The following NTRK2 variants were observed in gnomAD, a reference collection of about 807,000 sequenced individuals.
NTRK2 encodes the protein BDNF/NT-3 growth factors receptor.
A neutral mutation model predicts 94.5 loss-of-function variants in NTRK2; 13 were observed. That is an observed-to-expected ratio of 0.14 (90% CI 0.09 to 0.22). The LOEUF (loss-of-function observed/expected upper bound fraction) is 0.22, where lower values mean the gene tolerates loss of function less well. Among genes scored for constraint, NTRK2 ranks in the 10% least tolerant of loss-of-function variants. NTRK2 has a pLI of 1.00. For missense variants in NTRK2, 639 were observed against 1,071.2 expected (o/e 0.60, Z 5.63); for synonymous variants, 372 against 407.4 (o/e 0.91, Z 1.05).
At chr9:84,876,870 T>G in intron 14 of NTRK2, 4 of 1,062,896 alleles carry the variant, frequency 3.8e-6, no homozygotes, top group Non-Finnish European at 4.6e-6. Flanking sequence ...TAGGAGTCTT[T>G]GTTCTGGGTT....
In NTRK2 at chr9:84,670,688, T is replaced by G. The variant is rs77821498; in HGVS notation, c.-61T>G. 29 of 1,544,368 alleles carry G rather than the reference T, an allele frequency of 1.9e-5. No individual in the cohort carries two copies. The highest frequency in any genetic ancestry group is 2.4e-5 in the Non-Finnish European group (27 of 1,125,516). On this transcript the variant is annotated 5_prime_UTR_variant, in exon 2 of 19. Transcript: ENST00000277120. The stretch of plus-strand genomic sequence containing the variant: ...CGCAGGGAAGGCCTCCCCGCACGGG[T>G]GGGGGAAAGCGGCCGGTGCAGCGCG...
At chr9:84,791,364 T>C (rs1410531278) in intron 12 of NTRK2, among the ~76,000 whole-genome samples, 1 of 152,176 alleles carries the variant, frequency 6.6e-6, no homozygotes, top group Non-Finnish European at 1.5e-5. Context: ...TATGTCTGGA[T>C]TAATTAAAAA....
At position 85,021,177 on chromosome 9, in the gene NTRK2, G is replaced by A. The variant is rs1832753316; in HGVS notation, c.2332-75G>A. On this transcript the variant is annotated intron_variant, in intron 18 of 18. Transcript: ENST00000277120. ...TTTTGTAAAAGCCCTCTCTTCTGCT[G>A]TTTTTTTGCACTGACATTTCTTCGA... 32 of 1,374,514 alleles carry A rather than the reference G, an allele frequency of 2.3e-5. 1 individual carries two copies. The South Asian group carries it at 3.8e-4, about 16-fold the overall frequency. The allele number at this position is 1,374,514 out of a possible 1,614,324, so 85.1% of individuals were successfully genotyped here.
intron 14 of NTRK2, among the ~76,000 whole-genome samples, chr9:84,927,109 C>T (rs933610494): frequency 5.9e-5 from 9 of 152,148 alleles, no homozygotes; most frequent in East Asian, 1.9e-4. Context: ...AAGAAGGGAT[C>T]GCTGTGTTTT....
intron 14 of NTRK2, among the ~76,000 whole-genome samples, chr9:84,912,817 C>T (rs2077280567): frequency 6.6e-6 from 1 of 151,924 alleles, no homozygotes; most frequent in Non-Finnish European, 1.5e-5. Flanking sequence ...AGGGTTTCAC[C>T]TTGTTAGCCA....
intron 12 of NTRK2, among the ~76,000 whole-genome samples, chr9:84,807,934 G>T (rs2071309991): frequency 6.6e-6 from 1 of 152,174 alleles, no homozygotes; most frequent in Non-Finnish European, 1.5e-5. Flanking sequence ...TGAGGTGAAG[G>T]GGGTGGAAGT....
chr9:84,813,012 G>A (rs1330627667), intron 12 of NTRK2: 2 of 1,035,694 alleles, frequency 1.9e-6, no homozygotes. Flanking sequence ...CTGTACTCTA[G>A]ACCACCCCTT....
At chr9:84,859,410 A>G (rs2075226025) in intron 12 of NTRK2, among the ~76,000 whole-genome samples, 1 of 152,234 alleles carries the variant, frequency 6.6e-6, no homozygotes, top group Non-Finnish European at 1.5e-5. Context: ...CTGTATTGAG[A>G]ACCTTCACAA....
At chr9:84,933,793 G>C (rs943381322) in intron 14 of NTRK2, among the ~76,000 whole-genome samples, 1 of 152,196 alleles carries the variant, frequency 6.6e-6, no homozygotes, top group African/African-American at 2.4e-5. Flanking sequence ...GCTTTGCCCT[G>C]CTGGACACAC....
intron 17 of NTRK2, among the ~76,000 whole-genome samples, chr9:85,005,638 C>T (rs1490132440): frequency 6.6e-6 from 1 of 152,156 alleles, no homozygotes; most frequent in Non-Finnish European, 1.5e-5. Flanking sequence ...CAATGATAAC[C>T]CTGAGTAACA....
At chr9:84,825,741 C>T (rs2073145687) in intron 12 of NTRK2, among the ~76,000 whole-genome samples, 1 of 152,162 alleles carries the variant, frequency 6.6e-6, no homozygotes, top group Admixed American at 6.5e-5. Flanking sequence ...TTTCCTATAC[C>T]CCCATATTAA....
chr9:84,882,677 T>C (rs1035013022), intron 14 of NTRK2, among the ~76,000 whole-genome samples: 1 of 151,830 alleles, frequency 6.6e-6, no homozygotes, highest in Admixed American at 6.6e-5. Flanking sequence ...TGTTTTTCAC[T>C]GTGTCATCTC....
chr9:84,800,209 C>CTTT (rs11403600), intron 12 of NTRK2, among the ~76,000 whole-genome samples: 1 of 149,316 alleles, frequency 6.7e-6, no homozygotes, highest in Non-Finnish European at 1.5e-5. Flanking sequence ...TAGTTTCTTT[C>CTTT]TTTTTTTTTT....
At chr9:84,705,782 CTTTTTTTTTT>C (rs36124860) in intron 4 of NTRK2, among the ~76,000 whole-genome samples, 1 of 109,620 alleles carries the variant, frequency 9.1e-6, no homozygotes, top group Non-Finnish European at 1.8e-5. Flanking sequence ...GAAACCCATT[CTTTTTTTTTT>C]TTTTTTTTTT....
chr9:84,683,676 A>G (rs2059531445), intron 2 of NTRK2, among the ~76,000 whole-genome samples: 1 of 152,146 alleles, frequency 6.6e-6, no homozygotes, highest in Non-Finnish European at 1.5e-5. Context: ...TTTATAGTAG[A>G]ATGATTAATA....
chr9:84,947,889 G>A (rs904655080), intron 15 of NTRK2, among the ~76,000 whole-genome samples: 1 of 152,086 alleles, frequency 6.6e-6, no homozygotes, highest in African/African-American at 2.4e-5. Context: ...TCATGCTCCT[G>A]GGCATCTTCA....
chr9:84,854,256 C>T (rs2074946924), intron 12 of NTRK2, among the ~76,000 whole-genome samples: 1 of 152,100 alleles, frequency 6.6e-6, no homozygotes, highest in African/African-American at 2.4e-5. Context: ...CCAAGTTCCC[C>T]AGGCATTTGA....
chr9:84,930,672 C>T (rs2077993758), intron 14 of NTRK2, among the ~76,000 whole-genome samples: 1 of 152,114 alleles, frequency 6.6e-6, no homozygotes, highest in African/African-American at 2.4e-5. Context: ...GCAGTGAGCT[C>T]AGAGTACACC....
In NTRK2 at chr9:84,867,037, G is replaced by T. The variant is rs148394233; in HGVS notation, c.1445-206G>T. On this transcript the variant is annotated intron_variant, in intron 13 of 18. Coordinates refer to ENST00000277120, the MANE Select transcript of NTRK2 (RefSeq NM_006180.6). ...AGAGTGTAAATCTGTGAATGTCTAC[G>T]GCTGAAAGTGGAGAGAATGGGGAGT... Among the ~76,000 whole-genome samples the T allele has an allele frequency of 3.1e-3, 475 of 152,174 alleles. 3 individuals are homozygous for T. Among genetic ancestry groups the T allele is most frequent in the African/African-American group, 0.011 (455 of 41,528 alleles).
Sources: gnomAD v4.1 joint callset for allele counts (sites outside exome capture counted in the v4.1 genomes callset) on GRCh38, gnomAD v4.1.1 for gene constraint, MANE v1.5 for transcripts, NCBI Gene and HGNC (gene_info 2026-07-23, HGNC 2026-07-21) for gene names.